The following RASA2 variants were observed in gnomAD, a reference collection of about 807,000 sequenced individuals.
RASA2 encodes the protein RAS p21 protein activator 2.
A neutral mutation model predicts 118.2 loss-of-function variants in RASA2; 155 were observed. That is an observed-to-expected ratio of 1.31 (90% CI 1.15 to 1.50). The LOEUF (loss-of-function observed/expected upper bound fraction) is 1.50. Among genes scored for constraint, RASA2 ranks in the 40% most tolerant of loss-of-function variants. The pLI is 0.00. For missense variants in RASA2, 1,016 were observed against 1,009.6 expected (o/e 1.01, Z -0.09); for synonymous variants, 353 against 349.1 (o/e 1.01, Z -0.12).
In RASA2 at chr3:141,495,821, G is replaced by A. The variant is rs150455991; in HGVS notation, c.133+8605G>A. ...TTGGAGACGACTTAAATGTACATCGGTAGGAAAATGGATAATATGTTCATA... is the reference window on the plus strand; with the variant it reads ...TTGGAGACGACTTAAATGTACATCGATAGGAAAATGGATAATATGTTCATA... On this transcript the variant is annotated intron_variant, in intron 1 of 23. Transcript: ENST00000286364. Among the ~76,000 whole-genome samples, 1,460 of 152,292 alleles carry A rather than the reference G, an allele frequency of 9.6e-3. 8 individuals are homozygous for A. The highest frequency in any genetic ancestry group is 0.014 in the Non-Finnish European group (971 of 68,012).
At chr3:141,604,604 C>G (rs2083517765) in intron 19 of RASA2, among the ~76,000 whole-genome samples, 2 of 152,036 alleles carry the variant, frequency 1.3e-5, no homozygotes, top group South Asian at 4.1e-4. Context: ...ATCAATTTTA[C>G]TGATTTCTTT....
At chr3:141,560,065 A>G (rs919672192) in intron 9 of RASA2, 70 bp downstream of exon 9, 126 of 1,196,016 alleles carry the variant, frequency 1.1e-4, no homozygotes, top group Non-Finnish European at 1.5e-4. Context: ...ATGCAAATAA[A>G]TGCTTACTCT....
chr3:141,614,762 A>G lies in RASA2; in HGVS notation c.*2449A>G, dbSNP rs1314119386. The G allele has an allele frequency of 6.6e-6, 1 of 152,146 alleles. No individual in the cohort carries two copies. The highest frequency in any genetic ancestry group is 1.9e-4 in the East Asian group (1 of 5,202). The allele number at this position is 152,146 out of a possible 1,614,324, so 9.4% of individuals were successfully genotyped here. ...AATAAGATGATGGGCAATAGCAAAC[A>G]TTTTTACTCCCAGGAATATAATTTA... On this transcript the variant is annotated 3_prime_UTR_variant, in exon 24 of 24. Coordinates refer to ENST00000286364, the MANE Select transcript of RASA2 (RefSeq NM_006506.5).
At chr3:141,599,375 A>G (rs971021556) in intron 19 of RASA2, among the ~76,000 whole-genome samples, 3 of 152,016 alleles carry the variant, frequency 2.0e-5, no homozygotes, top group Admixed American at 6.5e-5. Flanking sequence ...TAGTGTTCCA[A>G]CTCTAACAAT....
chr3:141,508,658 C>T (rs186007899), intron 1 of RASA2, among the ~76,000 whole-genome samples: 1 of 152,276 alleles, frequency 6.6e-6, no homozygotes, highest in East Asian at 1.9e-4. Context: ...GGATTACAGG[C>T]ATGACCACTG....
chr3:141,602,952 G>C (rs76727177), intron 19 of RASA2, among the ~76,000 whole-genome samples: 4,048 of 152,164 alleles, frequency 0.027, 213 homozygotes, highest in African/African-American at 0.088. Context: ...CTTGCTTCCA[G>C]ATTTCATCCT....
intron 2 of RASA2, among the ~76,000 whole-genome samples, chr3:141,513,620 A>G (rs1230689190): frequency 1.3e-5 from 2 of 152,196 alleles, no homozygotes; most frequent in Non-Finnish European, 2.9e-5. Flanking sequence ...GGCTCTAGTT[A>G]CTTTGTGAGA....
chr3:141,514,226 G>A (rs1371334726), intron 2 of RASA2, among the ~76,000 whole-genome samples: 1 of 152,100 alleles, frequency 6.6e-6, no homozygotes, highest in Non-Finnish European at 1.5e-5. Flanking sequence ...GAAGACCGAT[G>A]GCCATTTAAA....
At chr3:141,581,051 C>A in intron 16 of RASA2, 49 bp from the exon 17 acceptor site, 1 of 1,445,280 alleles carries the variant, frequency 6.9e-7, no homozygotes, top group Non-Finnish European at 9.1e-7. Context: ...CCATTCTATT[C>A]TTAATTCTCT....
intron 10 of RASA2, 109 bp downstream of exon 10, chr3:141,571,177 AT>A: frequency 8.2e-7 from 1 of 1,213,028 alleles, no homozygotes; most frequent in Non-Finnish European, 1.1e-6. Context: ...AACAGTAAAA[AT>A]TATATACATA....
At chr3:141,561,526 A>C (rs2082729967) in intron 9 of RASA2, among the ~76,000 whole-genome samples, 1 of 152,258 alleles carries the variant, frequency 6.6e-6, no homozygotes, top group Non-Finnish European at 1.5e-5. Context: ...GGTAATTCAT[A>C]TATAATTCCA....
chr3:141,548,406 G>T (rs1478559809), intron 5 of RASA2, among the ~76,000 whole-genome samples: 1 of 151,788 alleles, frequency 6.6e-6, no homozygotes, highest in East Asian at 1.9e-4. Flanking sequence ...GTTCAATCTT[G>T]GTAGGTTGTA....
At chr3:141,555,800 G>C (rs756756079) in intron 6 of RASA2, 40 bp from the exon 7 acceptor site, 2 of 1,547,690 alleles carry the variant, frequency 1.3e-6, no homozygotes, top group African/African-American at 1.4e-5. Context: ...ATTGTGTACT[G>C]TTAAGTTCTA....
intron 9 of RASA2, among the ~76,000 whole-genome samples, chr3:141,567,089 G>A (rs2082831429): frequency 6.6e-6 from 1 of 152,126 alleles, no homozygotes; most frequent in Admixed American, 6.5e-5. Context: ...CCTTAGCACA[G>A]GATTTATAAA....
At chr3:141,563,035 A>G (rs1005106964) in intron 9 of RASA2, among the ~76,000 whole-genome samples, 6 of 152,164 alleles carry the variant, frequency 3.9e-5, no homozygotes, top group African/African-American at 1.4e-4. Context: ...TGTACAAATA[A>G]TTGCACTTTG....
intron 8 of RASA2, among the ~76,000 whole-genome samples, chr3:141,559,598 C>A (rs1221523740): frequency 6.6e-6 from 1 of 151,988 alleles, no homozygotes; most frequent in Non-Finnish European, 1.5e-5. Context: ...ATTGTAGTTT[C>A]TTTCTGTAGT....
intron 23 of RASA2, among the ~76,000 whole-genome samples, chr3:141,611,837 G>C (rs2107805956): frequency 6.6e-6 from 1 of 151,984 alleles, no homozygotes; most frequent in East Asian, 1.9e-4. Context: ...AATGTAATTG[G>C]TTCTCTTCCA....
intron 5 of RASA2, among the ~76,000 whole-genome samples, chr3:141,547,333 C>CT (rs1191716069): frequency 6.6e-6 from 1 of 152,104 alleles, no homozygotes; most frequent in Non-Finnish European, 1.5e-5. Context: ...AGTCCATGAA[C>CT]TTGGAATATC....
chr3:141,556,906 A>G (rs748931191), intron 7 of RASA2, among the ~76,000 whole-genome samples: 1 of 152,142 alleles, frequency 6.6e-6, no homozygotes, highest in Admixed American at 6.5e-5. Context: ...GAAAAAAAAA[A>G]CAAAAGAAAA....
Sources: allele counts gnomAD v4.1 joint callset (sites outside exome capture counted in the v4.1 genomes callset), GRCh38; gene constraint gnomAD v4.1.1; transcripts MANE v1.5; gene names NCBI Gene and HGNC (gene_info 2026-07-23, HGNC 2026-07-21).